The following PLEKHA4 variants were observed in gnomAD, a reference collection of about 807,000 sequenced individuals.
PLEKHA4 encodes the protein pleckstrin homology domain-containing family A member 4.
In PLEKHA4, 73 loss-of-function variants were observed where a neutral mutation model predicts 94.7. The observed-to-expected ratio is 0.77, with a 90% confidence interval of 0.64 to 0.94. The LOEUF is 0.94. Among genes scored for constraint, PLEKHA4 ranks in the 40% least tolerant of loss-of-function variants. The pLI, the probability that PLEKHA4 is intolerant of heterozygous loss-of-function variation, is 0.00. For synonymous variants in PLEKHA4, 449 were observed against 437.1 expected (o/e 1.03, Z -0.34); for missense variants, 1,049 against 1,054.1 (o/e 1.00, Z 0.07).
intron 16 of PLEKHA4, among the ~76,000 whole-genome samples, chr19:48,841,931 G>A (rs1450885487): frequency 6.6e-6 from 1 of 152,110 alleles, no homozygotes; most frequent in Non-Finnish European, 1.5e-5. Context: ...GGGTGACAGG[G>A]CAAGATCCCG....
rs2035558832 is a variant in PLEKHA4, at chr19:48,837,235, C to G, written c.*54G>C. 1 of 1,612,994 alleles carries G rather than the reference C, an allele frequency of 6.2e-7. No homozygotes were observed. The highest frequency in any genetic ancestry group is 1.1e-5 in the South Asian group (1 of 91,020). On this transcript the variant is annotated 3_prime_UTR_variant, in exon 20 of 20. Coordinates refer to ENST00000263265, the MANE Select transcript of PLEKHA4 (RefSeq NM_020904.3). This position sits in a 1 kb window ranked among gnomAD's most constrained non-coding sequence, Gnocchi z 4.3. ...GCCCTGAGTGGTCCCAGATCTCCGG[C>G]GGTACCTCCAGACCACGTCCTCGCG...
chr19:48,838,766 C>CA (rs58253636), intron 18 of PLEKHA4, among the ~76,000 whole-genome samples: 23,839 of 102,246 alleles, frequency 0.23, 2,430 homozygotes, highest in Middle Eastern at 0.3. Flanking sequence ...GACTCCGTCT[C>CA]AAAAAAAAAA....
At chr19:48,848,571 T>C (rs534278539) in intron 13 of PLEKHA4, among the ~76,000 whole-genome samples, 2 of 150,916 alleles carry the variant, frequency 1.3e-5, no homozygotes, top group African/African-American at 4.9e-5. Context: ...GGCGGGTGGA[T>C]CACCAGAGGT....
chr19:48,847,627 G>T (rs954402940), intron 14 of PLEKHA4, among the ~76,000 whole-genome samples: 1 of 152,164 alleles, frequency 6.6e-6, no homozygotes, highest in Non-Finnish European at 1.5e-5. Context: ...AGCTACTTCG[G>T]AGGCTGAGGC....
At chr19:48,857,297 C>T (rs547432365) in intron 9 of PLEKHA4, 125 bp downstream of exon 9, 1 of 565,486 alleles carries the variant, frequency 1.8e-6, no homozygotes, top group African/African-American at 2.0e-5. Context: ...GAATCTAATA[C>T]CTACCCAGGG....
chr19:48,848,035 T>A lies in PLEKHA4; in HGVS notation c.1431A>T (p.Arg477Ser), dbSNP rs774592730. 6.2e-7 allele frequency: 1 copy of A among 1,613,568 alleles called. No homozygotes were observed. Among genetic ancestry groups the A allele is most frequent in the Non-Finnish European group, 8.5e-7 (1 of 1,179,948 alleles). ...TCCACAGCTGCTGCTGAGCAGACAC[T>A]CTGTCCTGCAGGGAGGAAAGGAATT... ...YLLHLGSPQDRVSAQQQLWMV... is the reference protein window; with the variant it reads ...YLLHLGSPQDSVSAQQQLWMV... The change falls in exon 14 of 20, where the codon AGA (arginine) becomes AGT (serine). Residue 477 changes from arginine (R) to serine (S), a missense_variant. Coordinates refer to ENST00000263265, the MANE Select transcript of PLEKHA4 (RefSeq NM_020904.3).
Position 48,841,307 on chromosome 19 carries a change from G to C in PLEKHA4, c.1747C>G (p.Pro583Ala). The C allele has an allele frequency of 6.2e-7, 1 of 1,606,798 alleles. No individual in the cohort carries two copies. The change falls in exon 17 of 20, where the codon CCG becomes GCG. Residue 583 changes from proline (P) to alanine (A), a missense_variant. Coordinates refer to ENST00000263265, the MANE Select transcript of PLEKHA4 (RefSeq NM_020904.3). ...GCACTCATCCGGGGCCGGGCCACCG[G>C]GGCCTAGGGAGGCGAGAAACGTCCC... ...LPSPQLGTKA[P>A]VARPRMSAQE...
intron 8 of PLEKHA4, 144 bp from the exon 9 acceptor site, chr19:48,857,640 T>C (rs974990646): frequency 8.0e-5 from 49 of 610,900 alleles, no homozygotes; most frequent in Non-Finnish European, 1.3e-4. Context: ...CTCTGAAACA[T>C]GTGCTGTGTC....
intron 3 of PLEKHA4, 52 bp downstream of exon 3, chr19:48,865,451 G>T: frequency 7.1e-7 from 1 of 1,413,022 alleles, no homozygotes. Context: ...AGAGACAGAG[G>T]ACAGCCGGGG....
chr19:48,847,922 C>T lies in PLEKHA4; in HGVS notation c.1544G>A (p.Gly515Asp), dbSNP rs745364063. 2 of 1,590,296 alleles carry T rather than the reference C, an allele frequency of 1.3e-6. No homozygotes were observed. Among genetic ancestry groups the T allele is most frequent in the Non-Finnish European group, 1.7e-6 (2 of 1,168,600 alleles). Residue 515 changes from glycine (G) to aspartate (D), a missense_variant, in exon 14 of 20, where the codon GGC becomes GAC. Physicochemically the swap from Gly to Asp is moderately conservative, Grantham distance 94 (BLOSUM62 -1). Coordinates refer to ENST00000263265, the MANE Select transcript of PLEKHA4 (RefSeq NM_020904.3). ...EPDSPSPVLQ[G>D]EESSERESLP... ...TACCTCCCTCTCTGAGGACTCCTCG[C>T]CCTGGAGCACGGGAGATGGGGAGTC...
intron 8 of PLEKHA4, among the ~76,000 whole-genome samples, chr19:48,857,886 G>C (rs1174493076): frequency 6.7e-6 from 1 of 149,912 alleles, no homozygotes; most frequent in African/African-American, 2.5e-5. Context: ...ATCCCCCTCT[G>C]CGAGAAACAC....
Position 48,858,922 on chromosome 19 carries a change from C to G in PLEKHA4, c.910G>C (p.Glu304Gln). 1 of 1,604,460 alleles carries G rather than the reference C, an allele frequency of 6.2e-7. No individual in the cohort carries two copies. The highest frequency in any genetic ancestry group is 8.5e-7 in the Non-Finnish European group (1 of 1,177,276). The change falls in exon 8 of 20, where the codon GAG becomes CAG. Residue 304 changes from glutamate (E) to glutamine (Q), a missense_variant. By Grantham distance (29) the Glu-to-Gln change is conservative (BLOSUM62 2). Coordinates refer to ENST00000263265, the MANE Select transcript of PLEKHA4 (RefSeq NM_020904.3). ...CTGGGGGGCTTTCCTCCCCCAGCCT[C>G]AGAGGGAGGTCCTCGGCGGGGAGTA... ...PPTPRRGPPSEAGGGKPPRSP... is the reference protein window; with the variant it reads ...PPTPRRGPPSQAGGGKPPRSP...
intron 3 of PLEKHA4, among the ~76,000 whole-genome samples, chr19:48,862,926 G>T (rs1204013367): frequency 6.6e-6 from 1 of 152,194 alleles, no homozygotes; most frequent in Non-Finnish European, 1.5e-5. Context: ...GATGAGACAT[G>T]GACCACATAT....
chr19:48,859,986 CTG>C, intron 6 of PLEKHA4: 1 of 563,730 alleles, frequency 1.8e-6, no homozygotes, highest in Non-Finnish European at 3.1e-6. Flanking sequence ...AAGAGATAGT[CTG>C]ACATTTTTTT....
At chr19:48,845,329 A>G in intron 16 of PLEKHA4, 41 bp downstream of exon 16, 1 of 1,586,590 alleles carries the variant, frequency 6.3e-7, no homozygotes, top group Non-Finnish European at 8.6e-7. Context: ...GGGGTCCCTG[A>G]TGGTCAGATG....
In PLEKHA4 at chr19:48,837,974, C is replaced by T. The variant is rs1187816461; in HGVS notation, c.2077+43G>A. 2.6e-6 allele frequency: 4 copies of T among 1,511,654 alleles called. No individual in the cohort carries two copies. In the African/African-American group the frequency reaches 5.5e-5, roughly 21 times the overall value. The allele number at this position is 1,511,654 out of a possible 1,614,324, so 93.6% of individuals were successfully genotyped here. On this transcript the variant is annotated intron_variant, in intron 19 of 19. Transcript: ENST00000263265. This position sits in a 1 kb window ranked among gnomAD's most constrained non-coding sequence, Gnocchi z 4.3. ...CCTGGGATTCCAGGTCTCCAGCTCT[C>T]TCCTCCCTAAAACCCAGAAGTCCAA... is the stretch of plus-strand genomic sequence containing the variant.
intron 13 of PLEKHA4, among the ~76,000 whole-genome samples, chr19:48,850,155 G>A (rs976154457): frequency 1.3e-5 from 2 of 151,176 alleles, no homozygotes; most frequent in Admixed American, 6.6e-5. Flanking sequence ...GCAGTGAGCC[G>A]AGATCACACC....
intron 14 of PLEKHA4, 74 bp downstream of exon 14, chr19:48,847,826 G>T (rs1031938284): frequency 2.8e-6 from 4 of 1,452,864 alleles, no homozygotes; most frequent in Non-Finnish European, 3.7e-6. Context: ...TTAAAGAGGT[G>T]GGTGGGGAAT....
At chr19:48,850,330 C>A (rs1029933177) in intron 13 of PLEKHA4, among the ~76,000 whole-genome samples, 4 of 151,106 alleles carry the variant, frequency 2.6e-5, no homozygotes, top group African/African-American at 9.8e-5. Context: ...ATGGTGAAAC[C>A]CCATCTCTAC....
Sources: gnomAD v4.1 joint callset for allele counts (sites outside exome capture counted in the v4.1 genomes callset) on GRCh38, gnomAD v4.1.1 for gene constraint, Gnocchi (gnomAD v3.1) non-coding constraint, MANE v1.5 for transcripts, NCBI Gene and HGNC (gene_info 2026-07-23, HGNC 2026-07-21) for gene names.